STPG2: variants seen among roughly 807,000 people sequenced by gnomAD.
The protein encoded by STPG2 is sperm tail PG-rich repeat containing 2, also known as sperm-tail PG-rich repeat-containing protein 2.
In STPG2, 56 loss-of-function variants were observed where a neutral mutation model predicts 54.2. That is an observed-to-expected ratio of 1.03 (90% CI 0.83 to 1.29). The LOEUF is 1.29. Ranked by LOEUF, STPG2 falls within the 50% of genes most tolerant of loss-of-function variation. STPG2 has a pLI of 0.00. For synonymous variants in STPG2, 200 were observed against 181.8 expected (o/e 1.10, Z -0.81); for missense variants, 596 against 544.9 (o/e 1.09, Z -0.93).
intron 10 of STPG2, among the ~76,000 whole-genome samples, chr4:97,653,219 C>CA (rs1368521671): frequency 6.6e-6 from 1 of 151,886 alleles, no homozygotes; most frequent in African/African-American, 2.4e-5. Context: ...ATTGTAGACT[C>CA]AGGTATTAGG....
At chr4:97,781,012 A>T (rs1363958183) in intron 9 of STPG2, among the ~76,000 whole-genome samples, 3 of 152,196 alleles carry the variant, frequency 2.0e-5, no homozygotes, top group African/African-American at 7.2e-5. Flanking sequence ...TAACATCAAA[A>T]TTAAAAGAAC....
chr4:97,497,522 TTC>T (rs1730636490), intron 4 of STPG2, among the ~76,000 whole-genome samples: 3 of 151,902 alleles, frequency 2.0e-5, no homozygotes, highest in Non-Finnish European at 4.4e-5. Context: ...AAAGTTATAC[TTC>T]TGTTATTTAA....
intron 4 of STPG2, among the ~76,000 whole-genome samples, chr4:97,502,793 T>C (rs968234609): frequency 1.3e-5 from 2 of 151,948 alleles, no homozygotes; most frequent in African/African-American, 4.8e-5. Flanking sequence ...ATACAATTTA[T>C]AGAACAGGGA....
intron 5 of STPG2, among the ~76,000 whole-genome samples, chr4:98,035,181 A>T (rs905157716): frequency 6.6e-6 from 1 of 152,190 alleles, no homozygotes; most frequent in African/African-American, 2.4e-5. Flanking sequence ...ATGGGAGAAA[A>T]ATTCTGCAAT....
At chr4:97,804,613 T>TA in intron 9 of STPG2, among the ~76,000 whole-genome samples, 1 of 152,244 alleles carries the variant, frequency 6.6e-6, no homozygotes, top group Admixed American at 6.5e-5. Context: ...GTAGAAAAGT[T>TA]AGAGTAGGCT....
At chr4:97,906,457 T>C (rs1262932567) in intron 8 of STPG2, among the ~76,000 whole-genome samples, 1 of 152,184 alleles carries the variant, frequency 6.6e-6, no homozygotes, top group African/African-American at 2.4e-5. Flanking sequence ...GCTGGTACCA[T>C]TCCTTCTGAA....
intron 4 of STPG2, among the ~76,000 whole-genome samples, chr4:97,474,540 G>A (rs1039036652): frequency 6.6e-6 from 1 of 152,096 alleles, no homozygotes; most frequent in Non-Finnish European, 1.5e-5. Flanking sequence ...TTGCTTGCAT[G>A]TAAGGCAAAT....
chr4:97,452,623 C>T (rs984356846), intron 4 of STPG2, among the ~76,000 whole-genome samples: 6 of 152,164 alleles, frequency 3.9e-5, no homozygotes, highest in East Asian at 1.9e-4. Flanking sequence ...CAGCAGGAGA[C>T]GTCAAGATGA....
chr4:97,483,551 A>G (rs1296612357), intron 4 of STPG2, among the ~76,000 whole-genome samples: 2 of 151,654 alleles, frequency 1.3e-5, no homozygotes, highest in Non-Finnish European at 3.0e-5. Context: ...ATGCACATAA[A>G]CTGGAGCTCC....
chr4:97,775,065 G>A (rs116128092), intron 9 of STPG2, among the ~76,000 whole-genome samples: 394 of 152,248 alleles, frequency 2.6e-3, no homozygotes, highest in African/African-American at 8.8e-3. Flanking sequence ...TCTGATTACC[G>A]GAAATTGAAA....
intron 9 of STPG2, among the ~76,000 whole-genome samples, chr4:97,779,776 A>T (rs1260706963): frequency 1.3e-5 from 2 of 152,176 alleles, no homozygotes; most frequent in Non-Finnish European, 2.9e-5. Context: ...GGGCCAATAT[A>T]CAACGTTCTT....
chr4:97,794,838 A>G (rs1159481600), intron 9 of STPG2, among the ~76,000 whole-genome samples: 1 of 152,162 alleles, frequency 6.6e-6, no homozygotes, highest in Non-Finnish European at 1.5e-5. Context: ...AAAGAATATT[A>G]TATCTAACTG....
chr4:97,781,940 A>C (rs1726641433), intron 9 of STPG2, among the ~76,000 whole-genome samples: 1 of 152,214 alleles, frequency 6.6e-6, no homozygotes, highest in African/African-American at 2.4e-5. Context: ...TCTTAAAATA[A>C]TAAGAGCTAT....
intron 7 of STPG2, among the ~76,000 whole-genome samples, chr4:97,946,576 G>T (rs974008707): frequency 2.0e-5 from 3 of 152,074 alleles, no homozygotes; most frequent in African/African-American, 7.2e-5. Context: ...TATATAAAAT[G>T]AGATGTAGGG....
At chr4:97,633,762 C>T (rs1038407500) in intron 10 of STPG2, 1 of 154,082 alleles carries the variant, frequency 6.5e-6, no homozygotes. Context: ...GTCACTCCCA[C>T]CCGAATACTG....
chr4:97,927,103 C>T (rs1732359130), intron 8 of STPG2, among the ~76,000 whole-genome samples: 1 of 152,052 alleles, frequency 6.6e-6, no homozygotes, highest in South Asian at 2.1e-4. Context: ...AAAGCTTTTG[C>T]TGTTAAACTT....
chr4:97,658,370 A>G (rs1268091062), intron 10 of STPG2, among the ~76,000 whole-genome samples: 2 of 152,252 alleles, frequency 1.3e-5, no homozygotes, highest in Non-Finnish European at 2.9e-5. Flanking sequence ...CATTTTAAAG[A>G]TAAAGCAGGA....
At chr4:97,859,277 T>C (rs1729431207) in intron 8 of STPG2, among the ~76,000 whole-genome samples, 1 of 152,196 alleles carries the variant, frequency 6.6e-6, no homozygotes, top group South Asian at 2.1e-4. Context: ...TTGTTTGAGT[T>C]ACCTGTAGAT....
In STPG2 at chr4:97,847,705, T is replaced by G. The variant is rs528299714; in HGVS notation, c.1045-6773A>C. On this transcript the variant is annotated intron_variant, in intron 8 of 10. Coordinates refer to ENST00000295268, the MANE Select transcript of STPG2 (RefSeq NM_174952.3). The stretch of plus-strand genomic sequence containing the variant: ...ACATTTGCACATCATTATCCTCAGA[T>G]AGCCTTAAAATAAAACTTATTATCT... 3.9e-5 allele frequency among the ~76,000 whole-genome samples: 6 copies of G among 152,310 alleles called. No individual in the cohort carries two copies. In the South Asian group the frequency reaches 1.0e-3, roughly 26 times the overall value.
Sources: gnomAD v4.1 joint callset for allele counts (sites outside exome capture counted in the v4.1 genomes callset) on GRCh38, gnomAD v4.1.1 for gene constraint, MANE v1.5 for transcripts, NCBI Gene and HGNC (gene_info 2026-07-23, HGNC 2026-07-21) for gene names.